Variants in PPP1R16B observed in about 807,000 individuals in gnomAD.
PPP1R16B encodes the protein protein phosphatase 1 regulatory inhibitor subunit 16B.
Under a neutral mutation model 61.7 loss-of-function variants are expected in PPP1R16B, and 14 were observed. The observed-to-expected ratio is 0.23, with a 90% CI of 0.15 to 0.35. PPP1R16B has a LOEUF of 0.35. Ranked by LOEUF, PPP1R16B falls within the 10% of genes least tolerant of loss-of-function variation. The probability of loss-of-function intolerance (pLI) is 1.00; values close to 1 mark genes in which losing one functional copy is unlikely to be tolerated. For synonymous variants in PPP1R16B, 266 were observed against 305.3 expected (o/e 0.87, Z 1.34); for missense variants, 547 against 752.5 (o/e 0.73, Z 3.19).
chr20:38,837,315 A>G (rs1309559619), intron 2 of PPP1R16B, among the ~76,000 whole-genome samples: 1 of 152,212 alleles, frequency 6.6e-6, no homozygotes, highest in African/African-American at 2.4e-5. Flanking sequence ...ATCCCTGTGA[A>G]GTTCCTAAAT....
chr20:38,900,938 G>A (rs565848427), intron 5 of PPP1R16B, among the ~76,000 whole-genome samples: 28 of 152,332 alleles, frequency 1.8e-4, no homozygotes, highest in African/African-American at 6.3e-4. Context: ...GCAGGTGGCC[G>A]CAGCTGGCCT....
rs973117339 is a variant in PPP1R16B, at chr20:38,900,431, T to C, written c.468-150T>C. On this transcript the variant is annotated intron_variant, in intron 4 of 10. Coordinates refer to ENST00000299824, the MANE Select transcript of PPP1R16B (RefSeq NM_015568.4). ...GCTCTTGGGCTGTGTGTCAGGCAGA[T>C]CCAAGCATCATCTTGCTGGGGTACA... 8.6e-6 allele frequency: 5 copies of C among 582,252 alleles called. No individual in the cohort carries two copies. The African/African-American group carries it at 9.8e-5, about 11-fold the overall frequency. The allele number at this position is 582,252 out of a possible 1,614,324, so 36.1% of individuals were successfully genotyped here.
chr20:38,844,549 T>C (rs2084926187), intron 2 of PPP1R16B, among the ~76,000 whole-genome samples: 1 of 152,250 alleles, frequency 6.6e-6, no homozygotes, highest in Non-Finnish European at 1.5e-5. Flanking sequence ...TTATTCTTTT[T>C]TTGAACTTCC....
At chr20:38,908,591 A>T (rs2085465342) in intron 10 of PPP1R16B, among the ~76,000 whole-genome samples, 1 of 152,230 alleles carries the variant, frequency 6.6e-6, no homozygotes, top group Admixed American at 6.5e-5. Context: ...CTTTTTCAGG[A>T]AATATAACAA....
intron 2 of PPP1R16B, among the ~76,000 whole-genome samples, chr20:38,876,121 T>TACCACCATGCCC (rs2085164467): frequency 6.6e-6 from 1 of 151,914 alleles, no homozygotes; most frequent in African/African-American, 2.4e-5. Context: ...TACAGGTGCC[T>TACCACCATGCCC]ACCACCATGC....
chr20:38,895,288 G>A (rs1487466656), intron 3 of PPP1R16B, among the ~76,000 whole-genome samples: 1 of 150,802 alleles, frequency 6.6e-6, no homozygotes, highest in Non-Finnish European at 1.5e-5. Flanking sequence ...TACTTGCAAA[G>A]CACTTTATAG....
At chr20:38,850,851 C>T (rs112313332) in intron 2 of PPP1R16B, among the ~76,000 whole-genome samples, 4,498 of 151,812 alleles carry the variant, frequency 0.03, 133 homozygotes, top group African/African-American at 0.073. Flanking sequence ...ACCTGTAGTC[C>T]CAGGTACTCG....
chr20:38,852,503 T>C (rs1280366274), intron 2 of PPP1R16B, among the ~76,000 whole-genome samples: 1 of 152,120 alleles, frequency 6.6e-6, no homozygotes, highest in South Asian at 2.1e-4. Flanking sequence ...ATCCTAGGGA[T>C]CTTGGGGATA....
intron 1 of PPP1R16B, among the ~76,000 whole-genome samples, chr20:38,810,004 AAAC>A (rs1399617794): frequency 3.3e-5 from 5 of 151,556 alleles, no homozygotes; most frequent in African/African-American, 1.2e-4. Flanking sequence ...AAAAAAAAAA[AAAC>A]AAAACCAAAA....
At chr20:38,866,040 C>G (rs905196051) in intron 2 of PPP1R16B, among the ~76,000 whole-genome samples, 1 of 151,980 alleles carries the variant, frequency 6.6e-6, no homozygotes, top group Non-Finnish European at 1.5e-5. Flanking sequence ...AGGAGAATTG[C>G]TTGAACCCTG....
intron 2 of PPP1R16B, among the ~76,000 whole-genome samples, chr20:38,864,420 C>G (rs2085076605): frequency 1.3e-5 from 2 of 152,182 alleles, no homozygotes; most frequent in Admixed American, 6.5e-5. Flanking sequence ...CTTGCTAGTG[C>G]CACTGGCTTA....
intron 2 of PPP1R16B, among the ~76,000 whole-genome samples, chr20:38,888,866 AG>A (rs1187148506): frequency 1.5e-5 from 2 of 133,964 alleles, no homozygotes; most frequent in Non-Finnish European, 3.2e-5. Flanking sequence ...CTGCCCACCC[AG>A]AATCCCTGAA....
chr20:38,832,963 T>C (rs2084847367), intron 1 of PPP1R16B, among the ~76,000 whole-genome samples: 2 of 152,004 alleles, frequency 1.3e-5, no homozygotes, highest in African/African-American at 2.4e-5. Context: ...CCTTATCACT[T>C]GTACTCTTGG....
At chr20:38,886,966 A>G (rs899023150) in intron 2 of PPP1R16B, among the ~76,000 whole-genome samples, 1 of 152,224 alleles carries the variant, frequency 6.6e-6, no homozygotes, top group Non-Finnish European at 1.5e-5. Flanking sequence ...ACAAGGCTGT[A>G]AATGAGATGT....
At chr20:38,867,180 C>T (rs1282752672) in intron 2 of PPP1R16B, among the ~76,000 whole-genome samples, 3 of 152,086 alleles carry the variant, frequency 2.0e-5, no homozygotes, top group Non-Finnish European at 2.9e-5. Flanking sequence ...CCCTAAGGTC[C>T]ACCTCTGCAG....
At chr20:38,827,825 G>A (rs1056709682) in intron 1 of PPP1R16B, among the ~76,000 whole-genome samples, 1 of 152,138 alleles carries the variant, frequency 6.6e-6, no homozygotes, top group South Asian at 2.1e-4. Context: ...TCAAAGAAGT[G>A]TGTTGTGGGA....
chr20:38,908,125 G>T lies in PPP1R16B; in HGVS notation c.1126G>T (p.Asp376Tyr), dbSNP rs145363233. The part of the protein sequence containing the change: ...AILWQRSAAE[D>Y]QRTSTYNGDI... ...CCTGTGGCAGCGGAGTGCAGCTGAG[G>T]ATCAGCGGACCTCCACCTACAACGG... Residue 376 changes from aspartate (D) to tyrosine (Y), a missense_variant, in exon 10 of 11, where the codon GAT becomes TAT. By Grantham distance (160) the Asp-to-Tyr change is radical. Transcript: ENST00000299824. 1.2e-6 allele frequency: 2 copies of T among 1,614,246 alleles called. No homozygotes were observed. The highest frequency in any genetic ancestry group is 1.3e-5 in the African/African-American group (1 of 75,068).
intron 1 of PPP1R16B, among the ~76,000 whole-genome samples, chr20:38,826,573 C>G (rs1332557558): frequency 6.6e-6 from 1 of 152,228 alleles, no homozygotes; most frequent in Non-Finnish European, 1.5e-5. Flanking sequence ...GGAGCTGAGC[C>G]TGAGAGAGCG....
At chr20:38,879,646 G>A (rs144873642) in intron 2 of PPP1R16B, among the ~76,000 whole-genome samples, 18 of 152,302 alleles carry the variant, frequency 1.2e-4, no homozygotes, top group Admixed American at 5.9e-4. Context: ...AGACAGACAC[G>A]AGTTGCCCGC....
Sources: allele counts gnomAD v4.1 joint callset (sites outside exome capture counted in the v4.1 genomes callset), GRCh38; gene constraint gnomAD v4.1.1; transcripts MANE v1.5; gene names NCBI Gene and HGNC (gene_info 2026-07-23, HGNC 2026-07-21).